MED13L: variants seen among roughly 807,000 people sequenced by gnomAD.
MED13L encodes the protein mediator of RNA polymerase II transcription subunit 13-like.
In MED13L, 7 loss-of-function variants were observed where a neutral mutation model predicts 220.9. The ratio of observed to expected loss-of-function variants is 0.03; its 90% CI spans 0.02 to 0.06. MED13L has a LOEUF of 0.06. Ranked by LOEUF, MED13L falls within the 10% of genes least tolerant of loss-of-function variation. The pLI, the probability that MED13L is intolerant of heterozygous loss-of-function variation, is 1.00. For missense variants in MED13L, 1,965 were observed against 2,760.5 expected (o/e 0.71, Z 6.46); for synonymous variants, 1,011 against 1,015.2 (o/e 1.00, Z 0.08).
At chr12:116,056,211 C>T (rs1029802210) in intron 4 of MED13L, among the ~76,000 whole-genome samples, 8 of 151,920 alleles carry the variant, frequency 5.3e-5, no homozygotes, top group Non-Finnish European at 1.0e-4. Flanking sequence ...TACACCACAA[C>T]GACTAAAATT....
In MED13L at chr12:115,975,607, C is replaced by A; in HGVS notation, c.5496G>T (p.Leu1832=). 1.2e-6 allele frequency: 2 copies of A among 1,614,148 alleles called. No homozygotes were observed. The highest frequency in any genetic ancestry group is 1.3e-5 in the African/African-American group (1 of 75,032). ...KYNVLFVGYC[L]SHDQRWLLAS... is the part of the protein sequence containing the mutation. Reference sequence around the variant, plus strand: ...CCAAAAGCCAGCGCTGGTCGTGAGACAGACAATAGCCCACGAAGAGCACAT... The same window carrying A: ...CCAAAAGCCAGCGCTGGTCGTGAGAAAGACAATAGCCCACGAAGAGCACAT... The change falls in exon 24 of 31, where the codon CTG becomes CTT. Residue 1832 remains leucine (L), a synonymous_variant. Coordinates refer to ENST00000281928, the MANE Select transcript of MED13L (RefSeq NM_015335.5).
intron 2 of MED13L, among the ~76,000 whole-genome samples, chr12:116,170,221 G>C (rs1042262967): frequency 1.3e-5 from 2 of 152,140 alleles, no homozygotes; most frequent in African/African-American, 4.8e-5. Context: ...AATAATCTCA[G>C]CAGAAAGATC....
chr12:116,203,437 T>TA (rs1882127682), intron 2 of MED13L, among the ~76,000 whole-genome samples: 1 of 150,644 alleles, frequency 6.6e-6, no homozygotes, highest in African/African-American at 2.4e-5. Context: ...GAAATAAACA[T>TA]AAAAATAAAA....
At chr12:116,129,853 G>T (rs149781574) in intron 2 of MED13L, among the ~76,000 whole-genome samples, 10 of 151,106 alleles carry the variant, frequency 6.6e-5, no homozygotes, top group Admixed American at 3.3e-4. Flanking sequence ...AGGTTGTAGT[G>T]AGCCGAGATC....
chr12:116,270,997 G>A (rs530214985), intron 1 of MED13L, among the ~76,000 whole-genome samples: 4 of 122,114 alleles, frequency 3.3e-5, no homozygotes, highest in South Asian at 2.7e-4. Flanking sequence ...AGGCGACTTC[G>A]CACCACTGCA....
chr12:116,127,722 T>A (rs1875713567), intron 2 of MED13L, among the ~76,000 whole-genome samples: 1 of 152,204 alleles, frequency 6.6e-6, no homozygotes, highest in African/African-American at 2.4e-5. Context: ...CTTTTTAAAC[T>A]AGTCTCCCTG....
chr12:116,095,126 G>A (rs1285364516), intron 4 of MED13L, among the ~76,000 whole-genome samples: 1 of 152,052 alleles, frequency 6.6e-6, no homozygotes, highest in Admixed American at 6.6e-5. Context: ...CACGCCACTG[G>A]CACTCCTGCC....
chr12:116,073,152 T>G (rs1870514170), intron 4 of MED13L, among the ~76,000 whole-genome samples: 1 of 152,178 alleles, frequency 6.6e-6, no homozygotes, highest in Non-Finnish European at 1.5e-5. Context: ...ACGTGCAGTC[T>G]CTTACACTGC....
At chr12:116,038,394 C>T (rs1019312068) in intron 4 of MED13L, among the ~76,000 whole-genome samples, 4 of 152,140 alleles carry the variant, frequency 2.6e-5, no homozygotes, top group Admixed American at 6.5e-5. Flanking sequence ...GACTCCCTGC[C>T]TAACTCCATA....
chr12:116,178,914 AG>A (rs1475435376), intron 2 of MED13L, among the ~76,000 whole-genome samples: 1 of 152,220 alleles, frequency 6.6e-6, no homozygotes, highest in Admixed American at 6.5e-5. Context: ...GAGATTATAT[AG>A]TTACACCGTT....
At chr12:116,192,480 C>A (rs1881347340) in intron 2 of MED13L, among the ~76,000 whole-genome samples, 1 of 152,116 alleles carries the variant, frequency 6.6e-6, no homozygotes, top group African/African-American at 2.4e-5. Context: ...GAAATAAAAT[C>A]TCAGTTAACA....
intron 22 of MED13L, among the ~76,000 whole-genome samples, chr12:115,981,572 CT>C (rs2137267579): frequency 6.6e-6 from 1 of 152,206 alleles, no homozygotes; most frequent in African/African-American, 2.4e-5. Flanking sequence ...AGTGTAACCT[CT>C]TTTGGAATGG....
chr12:116,227,250 C>A lies in MED13L; in HGVS notation c.310+10218G>T, dbSNP rs1282348241. On this transcript the variant is annotated intron_variant, in intron 2 of 30. Coordinates refer to ENST00000281928, the MANE Select transcript of MED13L (RefSeq NM_015335.5). The stretch of plus-strand genomic sequence containing the variant: ...TGATTTTTCAATATCTGGGCTATGA[C>A]AACAGATCTCTACGAAGAAAAAATA... Among the ~76,000 whole-genome samples, 3 of 152,274 alleles carry A rather than the reference C, an allele frequency of 2.0e-5. No individual in the cohort carries two copies. In the East Asian group the frequency reaches 5.8e-4, roughly 29 times the overall value.
At chr12:116,222,052 T>C (rs1365096263) in intron 2 of MED13L, among the ~76,000 whole-genome samples, 7 of 152,178 alleles carry the variant, frequency 4.6e-5, no homozygotes, top group Non-Finnish European at 1.0e-4. Flanking sequence ...AGGTAGAAAG[T>C]ATGGCCAAAA....
chr12:115,976,153 C>A (rs886120664), intron 23 of MED13L, among the ~76,000 whole-genome samples: 3 of 152,170 alleles, frequency 2.0e-5, no homozygotes, highest in African/African-American at 7.2e-5. Flanking sequence ...GCTGAACAAA[C>A]ATATACTCCC....
intron 7 of MED13L, 143 bp from the exon 8 acceptor site, chr12:116,015,417 C>G (rs1879668450): frequency 1.3e-5 from 11 of 846,812 alleles, no homozygotes; most frequent in Non-Finnish European, 2.1e-5. Flanking sequence ...GGCAATAACA[C>G]TATCTATAAT....
intron 1 of MED13L, among the ~76,000 whole-genome samples, chr12:116,258,058 T>A (rs532004997): frequency 1.3e-5 from 2 of 152,208 alleles, no homozygotes; most frequent in Non-Finnish European, 2.9e-5. Flanking sequence ...TACTAAATTA[T>A]ATGGTCTACA....
At chr12:116,004,442 C>T (rs1246460724) in intron 13 of MED13L, among the ~76,000 whole-genome samples, 1 of 152,034 alleles carries the variant, frequency 6.6e-6, no homozygotes, top group African/African-American at 2.4e-5. Context: ...ACAAAAGTTA[C>T]CAGATTAGAG....
chr12:116,138,001 C>T (rs748245067), intron 2 of MED13L, among the ~76,000 whole-genome samples: 85 of 151,858 alleles, frequency 5.6e-4, no homozygotes, highest in Non-Finnish European at 5.9e-4. Flanking sequence ...GGATTACAGG[C>T]GCCTGCCACT....
Sources: allele counts gnomAD v4.1 joint callset (sites outside exome capture counted in the v4.1 genomes callset), GRCh38; gene constraint gnomAD v4.1.1; transcripts MANE v1.5; gene names NCBI Gene and HGNC (gene_info 2026-07-23, HGNC 2026-07-21).